RP1: variants seen among roughly 807,000 people sequenced by gnomAD.
RP1 encodes the protein RP1 axonemal microtubule associated.
Under a neutral mutation model 14.8 loss-of-function variants are expected in RP1, and 16 were observed. The observed-to-expected ratio is 1.08, with a 90% CI of 0.73 to 1.65. RP1 has a LOEUF of 1.65. Among genes scored for constraint, RP1 ranks in the 40% most tolerant of loss-of-function variants. The pLI, the probability that RP1 is intolerant of heterozygous loss-of-function variation, is 0.00. For missense variants in RP1, 2,631 were observed against 2,535.0 expected, an observed-to-expected ratio of 1.04 and a Z score of -0.81; for synonymous variants, 876 against 883.6, an observed-to-expected ratio of 0.99 and a Z score of 0.15.
At chr8:54,675,756 GT>G (rs1249642718) in intron 8 of RP1, among the ~76,000 whole-genome samples, 1 of 152,054 alleles carries the variant, frequency 6.6e-6, no homozygotes, top group Non-Finnish European at 1.5e-5. Context: ...TTATGATGGT[GT>G]TTTTTTCTGT....
chr8:54,800,916 T>TTTG (rs1420588815), intron 24 of RP1, among the ~76,000 whole-genome samples: 1 of 152,198 alleles, frequency 6.6e-6, no homozygotes, highest in African/African-American at 2.4e-5. Flanking sequence ...CCTTGTAGGT[T>TTTG]TTGTTGTTGT....
chr8:54,572,509 C>T (rs1319418175), intron 1 of RP1, among the ~76,000 whole-genome samples: 4 of 152,230 alleles, frequency 2.6e-5, no homozygotes, highest in African/African-American at 4.8e-5. Context: ...ATTAGGTAAC[C>T]TCTGAAGACC....
At chr8:54,648,018 G>A (rs1168651043) in intron 3 of RP1, among the ~76,000 whole-genome samples, 1 of 152,088 alleles carries the variant, frequency 6.6e-6, no homozygotes, top group African/African-American at 2.4e-5. Context: ...ATGATAGTGA[G>A]TTCTCATGAG....
chr8:54,739,077 A>G, intron 19 of RP1: 1 of 1,339,942 alleles, frequency 7.5e-7, no homozygotes, highest in Non-Finnish European at 1.0e-6. Context: ...TCTGATGAAA[A>G]GAAGCAAGCT....
chr8:54,560,952 C>T (rs1040965330), intron 1 of RP1: 1 of 152,216 alleles, frequency 6.6e-6, no homozygotes, highest in Non-Finnish European at 1.5e-5. Context: ...TCTCACTCCC[C>T]TCGGCATTGG....
In RP1 at chr8:54,580,140, T is replaced by A. The variant is rs374595086; in HGVS notation, c.-13+20820T>A. ...GCCCCCAGGAAATGCTCAGTTTCCTTATCTGTAGAATGAAGTAACTGCTGT... is the reference window on the plus strand; with the variant it reads ...GCCCCCAGGAAATGCTCAGTTTCCTAATCTGTAGAATGAAGTAACTGCTGT... On this transcript the variant is annotated intron_variant, in intron 1 of 22. Transcript: ENST00000636932. Among the ~76,000 whole-genome samples, 31 of 34,820 alleles carry A rather than the reference T, an allele frequency of 8.9e-4. 1 individual carries two copies. The East Asian group carries it at 0.014, about 16-fold the overall frequency. The allele number at this position is 34,820 out of a possible 152,430, so 22.8% of individuals were successfully genotyped here.
chr8:54,730,504 C>T (rs2129354382), intron 17 of RP1, among the ~76,000 whole-genome samples: 1 of 152,058 alleles, frequency 6.6e-6, no homozygotes, highest in South Asian at 2.1e-4. Context: ...TTTATGTGAC[C>T]TTATACATCA....
intron 16 of RP1, among the ~76,000 whole-genome samples, chr8:54,725,585 C>T (rs556470938): frequency 1.3e-5 from 2 of 152,260 alleles, no homozygotes; most frequent in Non-Finnish European, 2.9e-5. Flanking sequence ...CATCTTACAT[C>T]GTTGACTGCA....
chr8:54,602,710 CTT>C (rs1805321289), intron 1 of RP1, among the ~76,000 whole-genome samples: 3 of 152,160 alleles, frequency 2.0e-5, no homozygotes, highest in Admixed American at 1.3e-4. Context: ...TGTTTCCTGA[CTT>C]TTTAATGATT....
intron 7 of RP1, among the ~76,000 whole-genome samples, chr8:54,665,193 T>C (rs143815263): frequency 2.3e-4 from 35 of 152,306 alleles, no homozygotes; most frequent in African/African-American, 7.9e-4. Flanking sequence ...GTTCCATTTC[T>C]GGAAATTAAT....
chr8:54,665,145 G>A (rs1316115369), intron 7 of RP1, among the ~76,000 whole-genome samples: 1 of 152,032 alleles, frequency 6.6e-6, no homozygotes, highest in Non-Finnish European at 1.5e-5. Context: ...GTACCTTTGT[G>A]ACTGTTATTT....
intron 14 of RP1, among the ~76,000 whole-genome samples, chr8:54,702,243 AT>A (rs1791680215): frequency 6.6e-6 from 1 of 152,196 alleles, no homozygotes; most frequent in South Asian, 2.1e-4. Context: ...ACTAAAAATA[AT>A]TATCTTAACT....
chr8:54,627,385 A>G lies in RP1; in HGVS notation c.3503A>G (p.Lys1168Arg). The G allele has an allele frequency of 6.2e-7, 1 of 1,614,196 alleles. No individual in the cohort carries two copies. Among genetic ancestry groups the G allele is most frequent in the Non-Finnish European group, 8.5e-7 (1 of 1,179,988 alleles). ...SETLALLEIL[K>R]HIAITEEADD... ...ACACTTGCATTGTTGGAGATTCTAA[A>G]GCACATAGCTATCACAGAGGAAGCT... Residue 1168 changes from lysine (K) to arginine (R), a missense_variant, in exon 4 of 4, where the codon AAG becomes AGG. Lys to Arg is a conservative substitution (Grantham distance 26). Coordinates refer to ENST00000220676, the MANE Select transcript of RP1 (RefSeq NM_006269.2).
At chr8:54,807,867 G>C (rs1481246117) in intron 24 of RP1, among the ~76,000 whole-genome samples, 1 of 152,014 alleles carries the variant, frequency 6.6e-6, no homozygotes, top group Non-Finnish European at 1.5e-5. Flanking sequence ...TTCTTGCTTG[G>C]GGAGGTCAGT....
intron 12 of RP1, among the ~76,000 whole-genome samples, chr8:54,697,745 C>A (rs928844077): frequency 1.3e-5 from 2 of 152,166 alleles, no homozygotes; most frequent in Non-Finnish European, 2.9e-5. Flanking sequence ...CACACATCTA[C>A]AACCAACTGA....
At chr8:54,764,700 C>G (rs1489625324) in intron 22 of RP1, among the ~76,000 whole-genome samples, 1 of 152,018 alleles carries the variant, frequency 6.6e-6, no homozygotes, top group African/African-American at 2.4e-5. Context: ...TAAATTCAAC[C>G]AAAATGCATG....
At chr8:54,633,258 A>G (rs1293930280), downstream of RP1, among the ~76,000 whole-genome samples, 3 of 152,182 alleles carry the variant, frequency 2.0e-5, no homozygotes, top group Non-Finnish European at 2.9e-5. Flanking sequence ...CAAAAATGCC[A>G]GCTGTCAAGA....
At chr8:54,743,445 A>G (rs1354336763) in intron 19 of RP1, among the ~76,000 whole-genome samples, 1 of 152,042 alleles carries the variant, frequency 6.6e-6, no homozygotes, top group Non-Finnish European at 1.5e-5. Flanking sequence ...TTATTTCTCT[A>G]TTTATTAATT....
At position 54,629,704 on chromosome 8, in the gene RP1, C is replaced by T. The variant is rs1388349688; in HGVS notation, c.5822C>T (p.Ser1941Phe). ...EDRGFAYRKESDIENFLGFYL... is the reference protein window; with the variant it reads ...EDRGFAYRKEFDIENFLGFYL... ...CGAGGATTTGCATATCGCAAAGAAT[C>T]TGATATTGAAAATTTCTTGGGTTTT... Residue 1941 changes from serine (S) to phenylalanine (F), a missense_variant, in exon 4 of 4, where the codon TCT becomes TTT. Physicochemically the swap from Ser to Phe is radical, Grantham distance 155. Coordinates refer to ENST00000220676, the MANE Select transcript of RP1 (RefSeq NM_006269.2). The T allele has an allele frequency of 1.2e-6, 2 of 1,612,532 alleles. No homozygotes were observed. Among genetic ancestry groups the T allele is most frequent in the Non-Finnish European group, 1.7e-6 (2 of 1,179,414 alleles).
Sources: gnomAD v4.1 joint callset for allele counts (sites outside exome capture counted in the v4.1 genomes callset) on GRCh38, gnomAD v4.1.1 for gene constraint, MANE v1.5 for transcripts, NCBI Gene and HGNC (gene_info 2026-07-23, HGNC 2026-07-21) for gene names.